Variants in GLIS3 observed in about 807,000 individuals in gnomAD.
GLIS3 encodes the protein zinc finger protein GLIS3.
GLIS3 carries 53 observed loss-of-function variants against 78.6 expected under a neutral mutation model. That is an observed-to-expected ratio of 0.67 (90% CI 0.54 to 0.85). The LOEUF is 0.85. Ranked by LOEUF, GLIS3 falls within the 40% of genes least tolerant of loss-of-function variation. GLIS3 has a pLI of 0.00. For missense variants in GLIS3, 1,703 were observed against 1,231.1 expected (o/e 1.38, Z -5.74); for synonymous variants, 684 against 509.9 (o/e 1.34, Z -4.60).
intron 2 of GLIS3, among the ~76,000 whole-genome samples, chr9:4,149,277 A>G (rs891149287): frequency 6.6e-6 from 1 of 152,208 alleles, no homozygotes; most frequent in Admixed American, 6.5e-5. Flanking sequence ...AACAACCTTG[A>G]TTATTACCAT....
chr9:3,850,671 T>C (rs1588083811), intron 9 of GLIS3, among the ~76,000 whole-genome samples: 2 of 152,198 alleles, frequency 1.3e-5, no homozygotes, highest in Non-Finnish European at 2.9e-5. Flanking sequence ...CTTCATTCGA[T>C]AGGTTACAGT....
chr9:4,444,709 A>G, the GLIS3 span, among the ~76,000 whole-genome samples: 3 of 152,232 alleles, frequency 2.0e-5, no homozygotes, highest in Non-Finnish European at 4.4e-5. Context: ...CCCCTGGGGT[A>G]TATGGAACCA....
At chr9:4,180,407 G>C (rs1817202322) in intron 2 of GLIS3, among the ~76,000 whole-genome samples, 1 of 152,110 alleles carries the variant, frequency 6.6e-6, no homozygotes. Flanking sequence ...GGCAGGCTTG[G>C]GCTGTTTAGC....
intron 7 of GLIS3, among the ~76,000 whole-genome samples, chr9:3,892,979 G>T (rs1483081821): frequency 2.6e-5 from 4 of 152,090 alleles, no homozygotes; most frequent in African/African-American, 4.8e-5. Flanking sequence ...TAAGTTCAGG[G>T]TCACATGTAC....
chr9:4,260,083 C>G (rs554015844), intron 2 of GLIS3, among the ~76,000 whole-genome samples: 1 of 152,320 alleles, frequency 6.6e-6, no homozygotes, highest in African/African-American at 2.4e-5. Flanking sequence ...CTCTGATCTA[C>G]ACACTTCAGG....
At chr9:4,150,063 T>C (rs1183739863) in intron 2 of GLIS3, among the ~76,000 whole-genome samples, 1 of 150,472 alleles carries the variant, frequency 6.6e-6, no homozygotes, top group Non-Finnish European at 1.5e-5. Context: ...CACACACAGA[T>C]GAGCACAAAG....
the GLIS3 span, among the ~76,000 whole-genome samples, chr9:4,427,938 A>G: frequency 6.6e-6 from 1 of 152,052 alleles, no homozygotes; most frequent in South Asian, 2.1e-4. Flanking sequence ...GACCACCCAG[A>G]CCACTGAGTT....
rs149239752 is a variant in GLIS3, at chr9:3,978,550, T to C, written c.1711-41361A>G. Among the ~76,000 whole-genome samples, 639 of 152,222 alleles carry C rather than the reference T, an allele frequency of 4.2e-3. 4 individuals carry two copies. The highest frequency in any genetic ancestry group is 0.015 in the African/African-American group (623 of 41,544). On this transcript the variant is annotated intron_variant, in intron 4 of 10. Transcript: ENST00000381971. ...ACTATTGCATTGTATAAATAATCCA[T>C]ACATTACTGAATCAATCCCCTCTTG...
In GLIS3 at chr9:3,977,296, G is replaced by A. The variant is rs543189532; in HGVS notation, c.1711-40107C>T. On this transcript the variant is annotated intron_variant, in intron 4 of 10. Transcript: ENST00000381971. This position sits in a 1 kb window ranked among gnomAD's most constrained non-coding sequence, Gnocchi z 4.1. Reference sequence around the variant, plus strand: ...AAGCAATGTTTAAAATGTAAGGACCGAGAGGAAAGCTCTTGGCTCTATCAG... The same window carrying A: ...AAGCAATGTTTAAAATGTAAGGACCAAGAGGAAAGCTCTTGGCTCTATCAG... Among the ~76,000 whole-genome samples the A allele has an allele frequency of 3.9e-5, 6 of 152,254 alleles. No individual in the cohort carries two copies. Among genetic ancestry groups the A allele is most frequent in the East Asian group, 1.9e-4 (1 of 5,182 alleles).
the GLIS3 span, among the ~76,000 whole-genome samples, chr9:4,387,334 A>G: frequency 5.3e-5 from 8 of 151,910 alleles, no homozygotes; most frequent in African/African-American, 1.9e-4. Flanking sequence ...TCAGGTTCTT[A>G]CTTACATGAG....
At chr9:3,847,946 A>G (rs1454732346) in intron 9 of GLIS3, among the ~76,000 whole-genome samples, 1 of 152,250 alleles carries the variant, frequency 6.6e-6, no homozygotes, top group Non-Finnish European at 1.5e-5. Context: ...ACTGCTGATG[A>G]TAACATCAGA....
intron 2 of GLIS3, among the ~76,000 whole-genome samples, chr9:4,131,937 G>C (rs1833006989): frequency 6.6e-6 from 1 of 151,140 alleles, no homozygotes; most frequent in Middle Eastern, 3.2e-3. Context: ...TCTTTCTAAA[G>C]AAAATATTCC....
chr9:4,160,418 G>A (rs907918588), intron 2 of GLIS3, among the ~76,000 whole-genome samples: 5 of 152,222 alleles, frequency 3.3e-5, no homozygotes, highest in Non-Finnish European at 7.3e-5. Flanking sequence ...CTGATGCCAG[G>A]AAAATGCCTT....
chr9:3,987,784 A>AAC (rs1554665963), intron 4 of GLIS3, among the ~76,000 whole-genome samples: 2,219 of 69,546 alleles, frequency 0.032, 380 homozygotes, highest in Admixed American at 0.038. Context: ...AAAAAAAAAA[A>AAC]AAAACAAAAC....
intron 2 of GLIS3, among the ~76,000 whole-genome samples, chr9:4,346,532 C>T (rs574154862): frequency 1.3e-5 from 2 of 152,328 alleles, no homozygotes; most frequent in African/African-American, 2.4e-5. Context: ...CATTACTTTA[C>T]ATCCAGAGCC....
At chr9:4,206,599 A>C (rs1819903202) in intron 2 of GLIS3, among the ~76,000 whole-genome samples, 1 of 152,212 alleles carries the variant, frequency 6.6e-6, no homozygotes, top group Admixed American at 6.5e-5. Context: ...AATACTTTAT[A>C]ATCTCTCCCA....
intron 2 of GLIS3, among the ~76,000 whole-genome samples, chr9:4,228,293 C>T (rs1335760946): frequency 6.6e-6 from 1 of 151,506 alleles, no homozygotes; most frequent in Non-Finnish European, 1.5e-5. Flanking sequence ...CTGACGGGAC[C>T]TCTAGGCACA....
intron 2 of GLIS3, among the ~76,000 whole-genome samples, chr9:4,135,528 C>G (rs1344947607): frequency 3.9e-5 from 6 of 152,098 alleles, no homozygotes; most frequent in African/African-American, 1.4e-4. Flanking sequence ...AGCATTATTA[C>G]TTATTACTCT....
intron 8 of GLIS3, among the ~76,000 whole-genome samples, chr9:3,863,659 G>T (rs750130538): frequency 6.6e-6 from 1 of 152,232 alleles, no homozygotes; most frequent in Non-Finnish European, 1.5e-5. Flanking sequence ...GGCTGTAGGT[G>T]AAACGATCAC....
Sources: gnomAD v4.1 joint callset for allele counts (sites outside exome capture counted in the v4.1 genomes callset) on GRCh38, gnomAD v4.1.1 for gene constraint, Gnocchi (gnomAD v3.1) non-coding constraint, MANE v1.5 for transcripts, NCBI Gene and HGNC (gene_info 2026-07-23, HGNC 2026-07-21) for gene names.